The following MACROD2 variants were observed in gnomAD, a reference collection of about 807,000 sequenced individuals.
MACROD2 encodes the protein mono-ADP ribosylhydrolase 2, also known as ADP-ribose glycohydrolase MACROD2.
Under a neutral mutation model 70.4 loss-of-function variants are expected in MACROD2, and 36 were observed. The observed-to-expected ratio is 0.51, with a 90% CI of 0.39 to 0.68. The LOEUF (loss-of-function observed/expected upper bound fraction) is 0.68, where lower values mean the gene tolerates loss of function less well. Ranked by LOEUF, MACROD2 falls within the 30% of genes least tolerant of loss-of-function variation. MACROD2 has a pLI of 0.00. For synonymous variants in MACROD2, 172 were observed against 178.8 expected (o/e 0.96, Z 0.30); for missense variants, 496 against 538.4 (o/e 0.92, Z 0.78).
chr20:15,149,649 G>A (rs773662505), intron 5 of MACROD2, among the ~76,000 whole-genome samples: 11 of 152,100 alleles, frequency 7.2e-5, no homozygotes, highest in Non-Finnish European at 1.2e-4. Context: ...TGAGTTGAGC[G>A]TAGTTTGTGA....
intron 3 of MACROD2, among the ~76,000 whole-genome samples, chr20:14,223,683 T>C (rs1459777816): frequency 6.6e-6 from 1 of 151,936 alleles, no homozygotes. Flanking sequence ...AATTTTTGTA[T>C]TTTTAGTAGA....
intron 15 of MACROD2, among the ~76,000 whole-genome samples, chr20:15,999,100 CT>C (rs969580751): frequency 4.6e-5 from 7 of 151,894 alleles, no homozygotes; most frequent in Non-Finnish European, 7.4e-5. Flanking sequence ...TATTTGATAT[CT>C]TTTTTTCTTA....
At chr20:15,697,271 C>T (rs1033992467) in intron 8 of MACROD2, among the ~76,000 whole-genome samples, 2 of 152,066 alleles carry the variant, frequency 1.3e-5, no homozygotes, top group Admixed American at 6.5e-5. Context: ...TCATTCAGTT[C>T]GAAGAATTTT....
intron 2 of MACROD2, among the ~76,000 whole-genome samples, chr20:14,057,863 C>T (rs1824800775): frequency 6.6e-6 from 1 of 152,116 alleles, no homozygotes; most frequent in African/African-American, 2.4e-5. Flanking sequence ...TGAATTGCGG[C>T]CCCGTGCAAC....
At chr20:15,936,563 T>C (rs1276281084) in intron 11 of MACROD2, among the ~76,000 whole-genome samples, 3 of 149,872 alleles carry the variant, frequency 2.0e-5, no homozygotes. Flanking sequence ...AACAGGGTCA[T>C]AGAACTAAAG....
chr20:14,499,908 G>A (rs995912687), intron 4 of MACROD2, among the ~76,000 whole-genome samples: 1 of 152,048 alleles, frequency 6.6e-6, no homozygotes, highest in African/African-American at 2.4e-5. Context: ...TTAGAACTAA[G>A]TGCAGCCAGA....
At chr20:15,601,205 C>G (rs1171209014) in intron 8 of MACROD2, among the ~76,000 whole-genome samples, 1 of 152,184 alleles carries the variant, frequency 6.6e-6, no homozygotes, top group Non-Finnish European at 1.5e-5. Flanking sequence ...GTCAGCCCCC[C>G]TTATTGGCAA....
intron 8 of MACROD2, among the ~76,000 whole-genome samples, chr20:15,790,739 C>G (rs1380181018): frequency 6.6e-6 from 1 of 151,814 alleles, no homozygotes; most frequent in African/African-American, 2.4e-5. Flanking sequence ...AAAAAATTAT[C>G]ATTAGTTGCT....
intron 8 of MACROD2, among the ~76,000 whole-genome samples, chr20:15,693,418 G>A (rs953339437): frequency 6.6e-6 from 1 of 152,082 alleles, no homozygotes; most frequent in African/African-American, 2.4e-5. Context: ...TTCCTCCTGT[G>A]GTTCACTTTC....
intron 8 of MACROD2, among the ~76,000 whole-genome samples, chr20:15,587,828 T>C (rs1954943536): frequency 6.6e-6 from 1 of 152,206 alleles, no homozygotes; most frequent in East Asian, 1.9e-4. Flanking sequence ...GGGTACAGTC[T>C]CCCTCCTGGC....
chr20:14,790,712 C>A (rs2072440442), intron 5 of MACROD2, among the ~76,000 whole-genome samples: 1 of 152,114 alleles, frequency 6.6e-6, no homozygotes, highest in Non-Finnish European at 1.5e-5. Flanking sequence ...TTTAAAGCAG[C>A]CCCTGTTCAC....
intron 1 of MACROD2, 104 bp from the exon 2 acceptor site, chr20:14,002,184 A>G (rs2052740867): frequency 1.6e-6 from 1 of 631,224 alleles, no homozygotes; most frequent in Non-Finnish European, 2.6e-6. Context: ...TCAGGACTGT[A>G]TCAACTCTTT....
At chr20:16,030,091 A>G (rs2067132554) in intron 15 of MACROD2, among the ~76,000 whole-genome samples, 1 of 152,148 alleles carries the variant, frequency 6.6e-6, no homozygotes, top group Non-Finnish European at 1.5e-5. Flanking sequence ...GAACTTTCAG[A>G]CTGACTCTTT....
intron 3 of MACROD2, among the ~76,000 whole-genome samples, chr20:14,333,476 G>T (rs1433712518): frequency 6.6e-6 from 1 of 152,106 alleles, no homozygotes; most frequent in Non-Finnish European, 1.5e-5. Context: ...TTGTAAGAAC[G>T]AGTAAGATAT....
chr20:14,559,078 A>G (rs1979251079), intron 4 of MACROD2, among the ~76,000 whole-genome samples: 1 of 151,782 alleles, frequency 6.6e-6, no homozygotes, highest in Non-Finnish European at 1.5e-5. Flanking sequence ...AGTAATTAAA[A>G]TGAATGAGAA....
chr20:15,403,866 G>A (rs552898443), intron 6 of MACROD2, among the ~76,000 whole-genome samples: 5 of 152,256 alleles, frequency 3.3e-5, no homozygotes, highest in East Asian at 1.9e-4. Context: ...GTCTTCAACC[G>A]TTATGGGAGA....
intron 5 of MACROD2, among the ~76,000 whole-genome samples, chr20:15,051,951 C>T (rs944042688): frequency 1.3e-5 from 2 of 152,040 alleles, no homozygotes; most frequent in African/African-American, 4.8e-5. Context: ...CAGGGTTTCA[C>T]CATGTTGGCC....
At chr20:15,234,651 C>A (rs989540991) in intron 6 of MACROD2, among the ~76,000 whole-genome samples, 1 of 151,990 alleles carries the variant, frequency 6.6e-6, no homozygotes. Flanking sequence ...TATCCTGAAA[C>A]AATGAAAACT....
intron 8 of MACROD2, among the ~76,000 whole-genome samples, chr20:15,560,138 T>G (rs376411354): frequency 6.6e-6 from 1 of 152,202 alleles, no homozygotes; most frequent in Non-Finnish European, 1.5e-5. Flanking sequence ...AACCATGTTT[T>G]CCTATCATTT....
Sources: allele counts gnomAD v4.1 joint callset (sites outside exome capture counted in the v4.1 genomes callset), GRCh38; gene constraint gnomAD v4.1.1; transcripts MANE v1.5; gene names NCBI Gene and HGNC (gene_info 2026-07-23, HGNC 2026-07-21).